Variants in MYO9A observed in about 807,000 individuals in gnomAD.
MYO9A encodes myosin IXA, also known as unconventional myosin-IXa.
A neutral mutation model predicts 293.3 loss-of-function variants in MYO9A; 103 were observed. The observed-to-expected ratio is 0.35, with a 90% CI of 0.30 to 0.41. The LOEUF is 0.41. Ranked by LOEUF, MYO9A falls within the 10% of genes least tolerant of loss-of-function variation. The pLI is 1.00. For synonymous variants in MYO9A, 1,001 were observed against 1,035.7 expected (o/e 0.97, Z 0.64); for missense variants, 2,685 against 3,033.0 (o/e 0.89, Z 2.69).
At chr15:71,958,936 T>C (rs1003705495) in intron 14 of MYO9A, 3 of 152,206 alleles carry the variant, frequency 2.0e-5, no homozygotes, top group African/African-American at 7.2e-5. Context: ...TGACAGTAAA[T>C]ACAAGAAAAG....
At chr15:71,989,537 G>C (rs1437390759) in intron 11 of MYO9A, among the ~76,000 whole-genome samples, 3 of 152,082 alleles carry the variant, frequency 2.0e-5, no homozygotes, top group Non-Finnish European at 2.9e-5. Context: ...TGAATGCTTG[G>C]ATGTAAAACC....
At chr15:71,930,795 G>A (rs2058453506) in intron 18 of MYO9A, among the ~76,000 whole-genome samples, 1 of 151,968 alleles carries the variant, frequency 6.6e-6, no homozygotes, top group Non-Finnish European at 1.5e-5. Flanking sequence ...TCTTCCCTTT[G>A]TGGTTTGATG....
At chr15:72,005,569 C>A (rs972153750) in intron 8 of MYO9A, among the ~76,000 whole-genome samples, 12 of 152,212 alleles carry the variant, frequency 7.9e-5, no homozygotes, top group African/African-American at 2.9e-4. Context: ...ATACCACACT[C>A]CATCTCCTGG....
chr15:71,850,049 T>A lies in MYO9A; in HGVS notation c.6700A>T (p.Ser2234Cys), dbSNP rs1446604310. Residue 2234 changes from serine to cysteine, a missense_variant, in exon 38 of 42, where the codon AGT becomes TGT. Physicochemically the swap from Ser to Cys is moderately radical, Grantham distance 112. Transcript: ENST00000356056. ...TDPLQSVQDI[S>C]KTTTCVELIV... The stretch of plus-strand genomic sequence containing the variant: ...AACTGGCCTTACGTGGTAGTCTTAC[T>A]GATGTCCTGTACACTTTGTAGTGGG... The A allele has an allele frequency of 6.8e-6, 11 of 1,613,982 alleles. No homozygotes were observed. Among genetic ancestry groups the A allele is most frequent in the Non-Finnish European group, 9.3e-6 (11 of 1,179,890 alleles).
intron 32 of MYO9A, among the ~76,000 whole-genome samples, chr15:71,873,720 T>G (rs914329165): frequency 6.6e-6 from 1 of 152,234 alleles, no homozygotes; most frequent in South Asian, 2.1e-4. Context: ...TTTCTATGAA[T>G]TGCACTTATT....
At chr15:72,077,173 T>C (rs2079380195) in intron 1 of MYO9A, among the ~76,000 whole-genome samples, 1 of 152,178 alleles carries the variant, frequency 6.6e-6, no homozygotes, top group South Asian at 2.1e-4. Context: ...GGCTTGGTGA[T>C]GACAGTATAA....
At position 71,880,444 on chromosome 15, in the gene MYO9A, A is replaced by G; in HGVS notation, c.5513T>C (p.Val1838Ala). The G allele has an allele frequency of 6.2e-7, 1 of 1,614,216 alleles. No homozygotes were observed. Among genetic ancestry groups the G allele is most frequent in the Non-Finnish European group, 8.5e-7 (1 of 1,180,024 alleles). Residue 1838 changes from valine to alanine, a missense_variant, in exon 29 of 42, where the codon GTG becomes GCG. Coordinates refer to ENST00000356056, the MANE Select transcript of MYO9A (RefSeq NM_006901.4). ...PSPKAKRKRS[V>A]KISNVALDSM... Reference sequence around the variant, plus strand: ...ATCCAAAGCCACGTTGCTAATCTTCACACTTCGCTTGCGCTTAGCCTTTGG... The same window carrying G: ...ATCCAAAGCCACGTTGCTAATCTTCGCACTTCGCTTGCGCTTAGCCTTTGG...
intron 38 of MYO9A, 59 bp from the exon 39 acceptor site, chr15:71,849,027 C>T (rs762143814): frequency 4.4e-5 from 64 of 1,457,322 alleles, no homozygotes; most frequent in South Asian, 5.9e-5. Flanking sequence ...AAGTATAGCA[C>T]TCACAGACTG....
chr15:71,837,182 G>C lies in MYO9A; in HGVS notation c.6838-6871C>G, dbSNP rs12101366. ...TGCTGTCTCAAAAATAGAAATCCAT[G>C]ATCTAGGGCAGGTGATAGGGTAAAG... On this transcript the variant is annotated intron_variant, in intron 39 of 41. Transcript: ENST00000356056. 5.7e-3 allele frequency among the ~76,000 whole-genome samples: 860 copies of C among 152,186 alleles called. 12 individuals carry two copies. Among genetic ancestry groups the C allele is most frequent in the African/African-American group, 0.02 (813 of 41,570 alleles).
At chr15:71,956,861 ATATATATATATATAT>A (rs2059214705) in intron 14 of MYO9A, among the ~76,000 whole-genome samples, 2 of 34,288 alleles carry the variant, frequency 5.8e-5, no homozygotes, top group African/African-American at 1.5e-4. Context: ...ACACACACAA[ATATATATATATATAT>A]ATATATATCT....
chr15:72,066,484 CAA>C (rs369900151), intron 1 of MYO9A, among the ~76,000 whole-genome samples: 14 of 88,638 alleles, frequency 1.6e-4, no homozygotes, highest in East Asian at 2.5e-4. Context: ...GACTTGGTCT[CAA>C]AAAAAAAAAA....
At chr15:71,833,210 A>C (rs1172595219) in intron 39 of MYO9A, among the ~76,000 whole-genome samples, 1 of 151,076 alleles carries the variant, frequency 6.6e-6, no homozygotes, top group African/African-American at 2.4e-5. Context: ...TTGTTGGGCC[A>C]TATAAAAAAA....
rs2055681561 is a variant in MYO9A at position 71,852,279 on chromosome 15, T to C, written c.6347-19A>G. On this transcript the variant is annotated intron_variant, in intron 35 of 41. Coordinates refer to ENST00000356056, the MANE Select transcript of MYO9A (RefSeq NM_006901.4). ...TCAGCATCTATTTAGAGACAAGAGT[T>C]AGATTAACAGAGCCAAAACATGCAA... The C allele has an allele frequency of 1.3e-6, 2 of 1,589,236 alleles. No homozygotes were observed. Among genetic ancestry groups the C allele is most frequent in the East Asian group, 2.3e-5 (1 of 44,286 alleles).
chr15:71,851,863 TTA>T (rs1447552149), intron 36 of MYO9A, among the ~76,000 whole-genome samples: 6 of 152,210 alleles, frequency 3.9e-5, no homozygotes, highest in African/African-American at 1.2e-4. Flanking sequence ...TTAATCTGTT[TTA>T]TAACCCCAGT....
chr15:71,845,275 G>C (rs1170809645), intron 39 of MYO9A, among the ~76,000 whole-genome samples: 1 of 147,596 alleles, frequency 6.8e-6, no homozygotes, highest in East Asian at 1.9e-4. Flanking sequence ...TGGTTCACCA[G>C]ATAATCAGGG....
At chr15:71,880,613 T>C in intron 28 of MYO9A, 55 bp from the exon 29 acceptor site, 1 of 1,417,436 alleles carries the variant, frequency 7.1e-7, no homozygotes. Context: ...ATATTGATAA[T>C]CTTCACATCC....
At chr15:71,948,443 A>T (rs1161228544) in intron 15 of MYO9A, among the ~76,000 whole-genome samples, 1 of 152,158 alleles carries the variant, frequency 6.6e-6, no homozygotes, top group Non-Finnish European at 1.5e-5. Flanking sequence ...GAAAAAGGAG[A>T]ACATTTTTGT....
intron 1 of MYO9A, among the ~76,000 whole-genome samples, chr15:72,092,299 A>C (rs150170151): frequency 2.8e-4 from 42 of 152,362 alleles, no homozygotes; most frequent in African/African-American, 1.0e-3. Flanking sequence ...TAATCCCCTA[A>C]GAACTTCAAA....
intron 18 of MYO9A, among the ~76,000 whole-genome samples, chr15:71,932,398 G>A (rs183808333): frequency 3.3e-5 from 5 of 152,138 alleles, no homozygotes; most frequent in Admixed American, 3.3e-4. Flanking sequence ...AGCAGTGGCA[G>A]CTGTGATCAA....
Sources: gnomAD v4.1 joint callset for allele counts (sites outside exome capture counted in the v4.1 genomes callset) on GRCh38, gnomAD v4.1.1 for gene constraint, MANE v1.5 for transcripts, NCBI Gene and HGNC (gene_info 2026-07-23, HGNC 2026-07-21) for gene names.